Variants in ANOS1 observed in about 807,000 individuals in gnomAD.
ANOS1 encodes the protein anosmin-1.
In ANOS1, 6 loss-of-function variants were observed where a neutral mutation model predicts 59.0. The observed-to-expected ratio is 0.10, with a 90% CI of 0.06 to 0.20. ANOS1 has a LOEUF of 0.20. ANOS1 is among the 10% of genes least tolerant of loss of function. The pLI is 1.00. For synonymous variants in ANOS1, 217 were observed against 223.4 expected, an observed-to-expected ratio of 0.97 and a Z score of 0.25; for missense variants, 433 against 542.3, an observed-to-expected ratio of 0.80 and a Z score of 2.00.
At chrX:8,710,177 G>C (rs993068502) in intron 1 of ANOS1, among the ~76,000 whole-genome samples, 1 of 111,367 alleles carries the variant, frequency 9.0e-6, no homozygotes, top group African/African-American at 3.3e-5. Context: ...TGATCCACCT[G>C]CCTCGGCCTC....
At chrX:8,553,426 T>A (rs6640185) in intron 9 of ANOS1, among the ~76,000 whole-genome samples, 33,960 of 109,778 alleles carry the variant, frequency 0.31, 4,111 homozygotes, top group East Asian at 0.56. Context: ...TGCATGACAA[T>A]ATAGCAGCTC....
chrX:8,669,245 G>T (rs886622455), intron 2 of ANOS1, among the ~76,000 whole-genome samples: 1 of 111,801 alleles, frequency 8.9e-6, no homozygotes, highest in South Asian at 3.8e-4. Flanking sequence ...GGATGACCAG[G>T]CACAGCACAG....
intron 12 of ANOS1, among the ~76,000 whole-genome samples, chrX:8,534,984 A>G (rs1199484814): frequency 1.8e-5 from 2 of 111,576 alleles, no homozygotes; most frequent in Non-Finnish European, 3.8e-5. Context: ...AATTCCATGG[A>G]ATTTTTCCTT....
At position 8,587,812 on chromosome X, in the gene ANOS1, G is replaced by A. The variant is rs767541038; in HGVS notation, c.708C>T (p.His236=). The change falls in exon 5 of 14, where the codon CAC becomes CAT. Residue 236 remains histidine (H), a synonymous_variant. Transcript: ENST00000262648. ...GIHPSEDDAT[H]WQTVAQTTDE... is the part of the protein sequence containing the mutation. ...TTCTTACCTGGGCCACTGTCTGCCA[G>A]TGAGTGGCGTCATCTTCGCTAGGAT... 1.7e-6 allele frequency: 2 copies of A among 1,202,006 alleles called. No homozygotes were observed. Among genetic ancestry groups the A allele is most frequent in the Non-Finnish European group, 2.2e-6 (2 of 890,379 alleles).
intron 3 of ANOS1, among the ~76,000 whole-genome samples, chrX:8,612,491 G>T (rs1175489647): frequency 2.0e-5 from 2 of 101,936 alleles, no homozygotes; most frequent in Admixed American, 2.1e-4. Context: ...AAATAATAAA[G>T]GACAGAAATC....
chrX:8,618,980 G>A (rs1239383168), intron 3 of ANOS1, among the ~76,000 whole-genome samples: 3 of 103,596 alleles, frequency 2.9e-5, no homozygotes, highest in African/African-American at 1.1e-4. Context: ...GGCTGAGGCA[G>A]GAGAATCGCT....
At chrX:8,571,455 T>C (rs908556582) in intron 6 of ANOS1, among the ~76,000 whole-genome samples, 2 of 111,753 alleles carry the variant, frequency 1.8e-5, no homozygotes, top group African/African-American at 3.3e-5. Flanking sequence ...TCGTGCCCTG[T>C]AGCTAGCAAT....
intron 2 of ANOS1, among the ~76,000 whole-genome samples, chrX:8,677,816 C>T (rs980348468): frequency 9.0e-6 from 1 of 111,335 alleles, no homozygotes; most frequent in African/African-American, 3.3e-5. Flanking sequence ...GAGCTCATAA[C>T]CTAGCAAGGC....
At chrX:8,716,378 T>C (rs776555804) in intron 1 of ANOS1, among the ~76,000 whole-genome samples, 1 of 112,172 alleles carries the variant, frequency 8.9e-6, no homozygotes, top group Non-Finnish European at 1.9e-5. Context: ...GTCTCATTTA[T>C]TCAGAAGATG....
intron 3 of ANOS1, among the ~76,000 whole-genome samples, chrX:8,619,518 T>A (rs1403100125): frequency 3.6e-5 from 4 of 110,684 alleles, no homozygotes; most frequent in Admixed American, 9.6e-5. Flanking sequence ...GCAGGAGAAT[T>A]GCTGGAACCT....
At chrX:8,536,273 G>A (rs1929593377) in intron 11 of ANOS1, among the ~76,000 whole-genome samples, 1 of 91,349 alleles carries the variant, frequency 1.1e-5, no homozygotes, top group Non-Finnish European at 2.1e-5. Context: ...GGGCTCAAGT[G>A]ATTCTCTCAT....
chrX:8,717,292 C>T (rs1219035350), intron 1 of ANOS1, among the ~76,000 whole-genome samples: 1 of 112,021 alleles, frequency 8.9e-6, no homozygotes, highest in African/African-American at 3.2e-5. Context: ...AGGTTTAAAA[C>T]ATTGCAAAAA....
intron 10 of ANOS1, among the ~76,000 whole-genome samples, chrX:8,538,507 T>C (rs1031513156): frequency 2.7e-5 from 3 of 111,865 alleles, no homozygotes; most frequent in Non-Finnish European, 5.6e-5. Flanking sequence ...TTCCTAAAGA[T>C]GATAAGCCTA....
chrX:8,573,701 A>T (rs1930271983), intron 6 of ANOS1, among the ~76,000 whole-genome samples: 1 of 111,091 alleles, frequency 9.0e-6, no homozygotes, highest in African/African-American at 3.3e-5. Flanking sequence ...AAGAAAAATC[A>T]TGATCCCTAT....
At chrX:8,664,136 A>G (rs1294097491) in intron 2 of ANOS1, among the ~76,000 whole-genome samples, 1 of 112,042 alleles carries the variant, frequency 8.9e-6, no homozygotes, top group African/African-American at 3.2e-5. Flanking sequence ...GCACATGTTT[A>G]CCTACGTAAC....
At chrX:8,629,193 A>G (rs1204148214) in intron 2 of ANOS1, among the ~76,000 whole-genome samples, 1 of 111,313 alleles carries the variant, frequency 9.0e-6, no homozygotes, top group Admixed American at 9.6e-5. Flanking sequence ...AGACTGCAGA[A>G]TGCACCACTG....
At chrX:8,709,027 A>C (rs1932795811) in intron 1 of ANOS1, among the ~76,000 whole-genome samples, 1 of 109,962 alleles carries the variant, frequency 9.1e-6, no homozygotes, top group African/African-American at 3.3e-5. Context: ...AAAACCAAAC[A>C]CCGCAAGTTC....
Position 8,531,308 on chromosome X carries a change from C to T in ANOS1, c.*1687G>A, listed in dbSNP as rs954701147. 6.3e-5 allele frequency: 7 copies of T among 111,336 alleles called. No homozygotes were observed. Among genetic ancestry groups the T allele is most frequent in the African/African-American group, 2.3e-4 (7 of 30,635 alleles). The allele number at this position is 111,336 out of a possible 1,213,427, so 9.2% of individuals were successfully genotyped here. On this transcript the variant is annotated 3_prime_UTR_variant, in exon 14 of 14. Coordinates refer to ENST00000262648, the MANE Select transcript of ANOS1 (RefSeq NM_000216.4). ...TTCCCTGCATTTTAATTTGCATCTACCTTTAGACACTGCAGTGAGGCTCTG... is the reference window on the plus strand; with the variant it reads ...TTCCCTGCATTTTAATTTGCATCTATCTTTAGACACTGCAGTGAGGCTCTG...
rs900297822 is a variant in ANOS1, at chrX:8,731,735, G to A, written c.207+95C>T. On this transcript the variant is annotated intron_variant, in intron 1 of 13. Coordinates refer to ENST00000262648, the MANE Select transcript of ANOS1 (RefSeq NM_000216.4). ...AGGATCAGCCGGCGGCGCTGGCCGA[G>A]AACTTTGCGAGCCCAGGCTGGGAGG... 159 of 1,126,488 alleles carry A rather than the reference G, an allele frequency of 1.4e-4. 1 individual carries two copies. The highest frequency in any genetic ancestry group is 1.8e-4 in the Non-Finnish European group (151 of 854,198). The allele number at this position is 1,126,488 out of a possible 1,213,427, so 92.8% of individuals were successfully genotyped here. A position where few individuals can be genotyped will look rare whatever the true frequency, so the allele number is the denominator to read the frequency against.
Sources: gnomAD v4.1 joint callset for allele counts (sites outside exome capture counted in the v4.1 genomes callset) on GRCh38, gnomAD v4.1.1 for gene constraint, MANE v1.5 for transcripts, NCBI Gene and HGNC (gene_info 2026-07-23, HGNC 2026-07-21) for gene names.